INSC: variants seen among roughly 807,000 people sequenced by gnomAD.
The protein encoded by INSC is protein inscuteable homolog.
Under a neutral mutation model 58.6 loss-of-function variants are expected in INSC, and 67 were observed. That is an observed-to-expected ratio of 1.14 (90% CI 0.94 to 1.40). The LOEUF is 1.40. INSC is among the 40% of genes most tolerant of loss of function. INSC has a pLI of 0.00. For missense variants in INSC, 714 were observed against 692.0 expected (o/e 1.03, Z -0.36); for synonymous variants, 262 against 276.1 (o/e 0.95, Z 0.51).
At chr11:15,170,019 A>C (rs1325642621) in intron 2 of INSC, among the ~76,000 whole-genome samples, 1 of 152,206 alleles carries the variant, frequency 6.6e-6, no homozygotes, top group African/African-American at 2.4e-5. Flanking sequence ...CTGATATAAA[A>C]TTGCTTAATA....
At chr11:15,166,981 A>G (rs1236464854) in intron 2 of INSC, among the ~76,000 whole-genome samples, 5 of 152,216 alleles carry the variant, frequency 3.3e-5, no homozygotes, top group Admixed American at 6.5e-5. Flanking sequence ...AAAATAATGC[A>G]TGATAAGTGC....
At chr11:15,237,133 C>T (rs905116429) in intron 10 of INSC, among the ~76,000 whole-genome samples, 2 of 152,200 alleles carry the variant, frequency 1.3e-5, no homozygotes, top group African/African-American at 4.8e-5. Context: ...TAATATGTGC[C>T]TGGCATTGTG....
At chr11:15,248,766 T>C (rs1346056238), downstream of INSC, among the ~76,000 whole-genome samples, 2 of 152,172 alleles carry the variant, frequency 1.3e-5, no homozygotes, top group Non-Finnish European at 2.9e-5. Context: ...TGAAGGTGCA[T>C]GTATATCAAC....
At chr11:15,218,674 C>T (rs1229577133) in intron 7 of INSC, among the ~76,000 whole-genome samples, 3 of 152,040 alleles carry the variant, frequency 2.0e-5, no homozygotes, top group African/African-American at 7.2e-5. Flanking sequence ...AGACGATGGG[C>T]AATTGGCAAT....
chr11:15,248,747 CCTTTATTATGAAGGTGCAT>C (rs1852618851), downstream of INSC, among the ~76,000 whole-genome samples: 1 of 152,112 alleles, frequency 6.6e-6, no homozygotes. Flanking sequence ...TACACTGCAA[CCTTTATTATGAAGGTGCAT>C]GTATATCAAC....
upstream of INSC, chr11:15,112,600 G>GA (rs1847594085): frequency 3.5e-6 from 2 of 563,838 alleles, no homozygotes; most frequent in African/African-American, 6.3e-5. Context: ...GAGTGTGTGT[G>GA]TGTGTGTGTG....
In INSC at chr11:15,245,901, C is replaced by T; in HGVS notation, c.1471-11C>T. ...GTCTGACACGTGTCACCTCTTCTGT[C>T]TTCTCCCCAGGCTGCTCTGCGTAGA... On this transcript the variant is annotated splice_polypyrimidine_tract_variant and intron_variant, in intron 12 of 12. Coordinates refer to ENST00000379556, the MANE Select transcript of INSC (RefSeq NM_001042536.3). 4 of 1,613,154 alleles carry T rather than the reference C, an allele frequency of 2.5e-6. No individual in the cohort carries two copies. The highest frequency in any genetic ancestry group is 2.2e-5 in the East Asian group (1 of 44,856).
At chr11:15,129,424 A>T (rs1848074097) in intron 1 of INSC, among the ~76,000 whole-genome samples, 1 of 152,220 alleles carries the variant, frequency 6.6e-6, no homozygotes, top group Non-Finnish European at 1.5e-5. Flanking sequence ...CTAGAAAAAA[A>T]TCCTATAGGG....
At chr11:15,135,892 G>A (rs1848233608) in intron 1 of INSC, among the ~76,000 whole-genome samples, 1 of 152,156 alleles carries the variant, frequency 6.6e-6, no homozygotes, top group African/African-American at 2.4e-5. Context: ...ATCTAATGAA[G>A]CCATTCTCTT....
chr11:15,137,863 T>C (rs543396910), intron 1 of INSC, among the ~76,000 whole-genome samples: 5 of 152,338 alleles, frequency 3.3e-5, no homozygotes, highest in African/African-American at 1.2e-4. Context: ...CATTAACAAC[T>C]TGCCTAACCG....
intron 5 of INSC, among the ~76,000 whole-genome samples, chr11:15,185,002 T>A (rs1011716693): frequency 2.0e-5 from 3 of 152,340 alleles, no homozygotes; most frequent in Middle Eastern, 3.4e-3. Context: ...CAATTAATGG[T>A]TATTTGATAA....
rs561971542 is a variant in INSC, at chr11:15,155,507, T to A, written c.56+6277T>A. ...GGTGCTGTTGTAGGTAGAGGGAGTATGTCACTGTGCAATAAACGATCCTGC... is the reference window on the plus strand; with the variant it reads ...GGTGCTGTTGTAGGTAGAGGGAGTAAGTCACTGTGCAATAAACGATCCTGC... On this transcript the variant is annotated intron_variant, in intron 2 of 12. Coordinates refer to ENST00000379556, the MANE Select transcript of INSC (RefSeq NM_001042536.3). 3.9e-5 allele frequency among the ~76,000 whole-genome samples: 6 copies of A among 152,340 alleles called. No individual in the cohort carries two copies. The South Asian group carries it at 1.2e-3, about 32-fold the overall frequency.
chr11:15,156,802 G>A (rs1373356823), intron 2 of INSC, among the ~76,000 whole-genome samples: 1 of 152,106 alleles, frequency 6.6e-6, no homozygotes, highest in African/African-American at 2.4e-5. Context: ...TTGTTATGTG[G>A]GTTAATTCCT....
intron 1 of INSC, among the ~76,000 whole-genome samples, chr11:15,117,196 C>T (rs1847751928): frequency 1.3e-5 from 2 of 151,692 alleles, no homozygotes; most frequent in Admixed American, 1.3e-4. Context: ...CCTGCCTAGG[C>T]CTCCGATACT....
At chr11:15,263,700 G>T in the INSC span, among the ~76,000 whole-genome samples, 1 of 152,146 alleles carries the variant, frequency 6.6e-6, no homozygotes, top group Non-Finnish European at 1.5e-5. Context: ...CAACTGGTTT[G>T]TCTGCTCTGA....
intron 6 of INSC, among the ~76,000 whole-genome samples, chr11:15,191,743 C>T (rs1356827956): frequency 6.6e-6 from 1 of 152,172 alleles, no homozygotes; most frequent in East Asian, 1.9e-4. Context: ...TGACCTTCAC[C>T]ACCAACTCGG....
intron 2 of INSC, among the ~76,000 whole-genome samples, chr11:15,170,470 T>C (rs1849358095): frequency 6.6e-6 from 1 of 152,138 alleles, no homozygotes; most frequent in Admixed American, 6.5e-5. Context: ...TGTCTGACGC[T>C]TCCCTCATCA....
In INSC at chr11:15,177,144, C is replaced by T. The variant is rs758487151; in HGVS notation, c.436C>T (p.Leu146Phe). 1.2e-6 allele frequency: 2 copies of T among 1,614,074 alleles called. No individual in the cohort carries two copies. ...GCTGCTAATGGAGAAATGCTCGGAG[C>T]TCTCGGCAGTCACAGAGAGGTAAAT... ...EKLLMEKCSE[L>F]SAVTERCLQV... The change falls in exon 4 of 13, where the codon CTC becomes TTC. Residue 146 changes from leucine (L) to phenylalanine (F), a missense_variant. Physicochemically the swap from Leu to Phe is conservative, Grantham distance 22. Transcript: ENST00000379556.
intron 6 of INSC, among the ~76,000 whole-genome samples, chr11:15,196,482 TA>T (rs11296721): frequency 0.31 from 47,478 of 152,110 alleles, 7,824 homozygotes; most frequent in African/African-American, 0.34. Context: ...AAAACTCTGC[TA>T]ACAACAAATC....
Sources: allele counts gnomAD v4.1 joint callset (sites outside exome capture counted in the v4.1 genomes callset), GRCh38; gene constraint gnomAD v4.1.1; transcripts MANE v1.5; gene names NCBI Gene and HGNC (gene_info 2026-07-23, HGNC 2026-07-21).